The following ZNF736 variants were observed in gnomAD, a reference collection of about 807,000 sequenced individuals.
ZNF736 encodes the protein KRAB-containing zinc-finger repressor protein.
A neutral mutation model predicts 11.7 loss-of-function variants in ZNF736; 6 were observed. The observed-to-expected ratio is 0.51, with a 90% CI of 0.28 to 1.01. The LOEUF (loss-of-function observed/expected upper bound fraction) is 1.01, where lower values mean the gene tolerates loss of function less well. ZNF736 is among the 50% of genes least tolerant of loss of function. ZNF736 has a pLI of 0.09. For missense variants in ZNF736, 444 were observed against 496.0 expected (o/e 0.90, Z 1.00); for synonymous variants, 139 against 164.7 (o/e 0.84, Z 1.19).
chr7:64,339,879 A>T (rs1182848894), intron 3 of ZNF736, among the ~76,000 whole-genome samples: 3 of 152,190 alleles, frequency 2.0e-5, no homozygotes, highest in Admixed American at 2.0e-4. Context: ...AATTTTATAA[A>T]CTGCTCTCAG....
intron 3 of ZNF736, among the ~76,000 whole-genome samples, chr7:64,340,687 G>T (rs1789324935): frequency 1.3e-5 from 2 of 152,130 alleles, no homozygotes; most frequent in Admixed American, 6.6e-5. Flanking sequence ...TAGGATTACA[G>T]GTGTGAACCA....
chr7:64,329,536 A>C (rs542625414), intron 1 of ZNF736, among the ~76,000 whole-genome samples: 1 of 152,194 alleles, frequency 6.6e-6, no homozygotes, highest in Non-Finnish European at 1.5e-5. Flanking sequence ...TGGTGGTCAT[A>C]GGTAAGATCC....
rs1184550153 is a variant in ZNF736, at chr7:64,356,622, C to T, written c.*7475C>T. 6.6e-6 allele frequency among the ~76,000 whole-genome samples: 1 copy of T among 151,660 alleles called. No individual in the cohort carries two copies. Among genetic ancestry groups the T allele is most frequent in the Non-Finnish European group, 1.5e-5 (1 of 67,950 alleles). On this transcript the variant is annotated 3_prime_UTR_variant, in exon 4 of 4. Transcript: ENST00000423484. The stretch of plus-strand genomic sequence containing the variant: ...ATCTAATTACATTTTAAATAAATTG[C>T]TGTTACCTGTTAGTATTTGTGTAGC...
chr7:64,316,306 T>A (rs1255016834), intron 1 of ZNF736, among the ~76,000 whole-genome samples: 1 of 152,246 alleles, frequency 6.6e-6, no homozygotes, highest in African/African-American at 2.4e-5. Context: ...TTAAGATTTT[T>A]TTCCCCTCAA....
Position 64,348,938 on chromosome 7 carries a change from C to A in ZNF736, c.1075C>A (p.His359Asn). 1 of 1,598,536 alleles carries A rather than the reference C, an allele frequency of 6.3e-7. No individual in the cohort carries two copies. Residue 359 changes from histidine (H) to asparagine (N), a missense_variant, in exon 4 of 4, where the codon CAC becomes AAC. Coordinates refer to ENST00000423484, the MANE Select transcript of ZNF736 (RefSeq NM_001170905.3). ...AFTRSSTLFN[H>N]KRIHMEERPY... is the part of the protein sequence containing the mutation. The stretch of plus-strand genomic sequence containing the variant: ...TACCCGCTCCTCAACCCTTTTTAAC[C>A]ACAAGAGAATTCATATGGAAGAGAG...
At chr7:64,341,537 T>C (rs573430996) in intron 3 of ZNF736, among the ~76,000 whole-genome samples, 1 of 152,286 alleles carries the variant, frequency 6.6e-6, no homozygotes, top group East Asian at 1.9e-4. Flanking sequence ...TTCTATAATC[T>C]TTTGCTTCCT....
intron 1 of ZNF736, among the ~76,000 whole-genome samples, chr7:64,322,584 T>A (rs1219650543): frequency 2.0e-5 from 3 of 152,150 alleles, no homozygotes; most frequent in African/African-American, 7.2e-5. Context: ...ACAAAAGACA[T>A]CTAATAGAGA....
chr7:64,325,356 T>C (rs1175700997), intron 1 of ZNF736, among the ~76,000 whole-genome samples: 2 of 152,240 alleles, frequency 1.3e-5, no homozygotes, highest in Admixed American at 6.5e-5. Context: ...GATGACTATT[T>C]CTAGCTTTTC....
Position 64,348,530 on chromosome 7 carries a change from C to T in ZNF736, c.667C>T (p.His223Tyr). ...FSNLTEHKRVHTGEKPYKCEG... is the reference protein window; with the variant it reads ...FSNLTEHKRVYTGEKPYKCEG... ...AAACCTTACTGAACATAAGAGAGTTCATACTGGAGAGAAACCTTACAAATG... is the reference window on the plus strand; with the variant it reads ...AAACCTTACTGAACATAAGAGAGTTTATACTGGAGAGAAACCTTACAAATG... The change falls in exon 4 of 4, where the codon CAT (histidine) becomes TAT (tyrosine). Residue 223 changes from histidine to tyrosine, a missense_variant. Transcript: ENST00000423484. 6.3e-7 allele frequency: 1 copy of T among 1,581,142 alleles called. No homozygotes were observed. Among genetic ancestry groups the T allele is most frequent in the Non-Finnish European group, 8.6e-7 (1 of 1,163,682 alleles).
chr7:64,333,171 C>T (rs1389269998), intron 1 of ZNF736, among the ~76,000 whole-genome samples: 3 of 152,206 alleles, frequency 2.0e-5, no homozygotes, highest in Non-Finnish European at 4.4e-5. Context: ...GCTCCAGCTG[C>T]TCCCTCCATT....
chr7:64,348,713 C>A lies in ZNF736; in HGVS notation c.850C>A (p.Pro284Thr). 1 of 1,607,808 alleles carries A rather than the reference C, an allele frequency of 6.2e-7. No homozygotes were observed. The highest frequency in any genetic ancestry group is 1.7e-5 in the Admixed American group (1 of 59,152). ...NHKRIHTGEK[P>T]YKCEECNKAY... is the part of the protein sequence containing the mutation. ...TAAGAGAATTCATACTGGAGAGAAA[C>A]CCTACAAATGTGAAGAATGTAACAA... Residue 284 changes from proline (P) to threonine (T), a missense_variant, in exon 4 of 4, where the codon CCC (proline) becomes ACC (threonine). Coordinates refer to ENST00000423484, the MANE Select transcript of ZNF736 (RefSeq NM_001170905.3).
chr7:64,323,883 A>G (rs1789040577), intron 1 of ZNF736, among the ~76,000 whole-genome samples: 1 of 152,204 alleles, frequency 6.6e-6, no homozygotes, highest in African/African-American at 2.4e-5. Flanking sequence ...CCCGGAACTT[A>G]AAAGTTGATT....
Position 64,348,133 on chromosome 7 carries a change from CAT to C in ZNF736, c.272_273del (p.Ile91LysfsTer16), listed in dbSNP as rs1285615667. On this transcript the variant is annotated frameshift_variant, in exon 4 of 4. Transcript: ENST00000423484. LOFTEE classifies it low-confidence loss of function (END_TRUNC). ...CTGCAGAGATATTGCCGGATCATGACATAAAAGATTCATTTCAAAAAGTGATT... is the reference window on the plus strand; with the variant it reads ...CTGCAGAGATATTGCCGGATCATGACAAAAGATTCATTTCAAAAAGTGATT... ...FTAEILPDHD[I>X]KDSFQKVILR... is the part of the protein sequence containing the mutation. The C allele has an allele frequency of 1.2e-4, 190 of 1,545,244 alleles. No individual in the cohort carries two copies. Among genetic ancestry groups the C allele is most frequent in the Non-Finnish European group, 1.6e-4 (181 of 1,145,246 alleles).
At chr7:64,342,203 A>G (rs1485912654) in intron 3 of ZNF736, among the ~76,000 whole-genome samples, 1 of 152,104 alleles carries the variant, frequency 6.6e-6, no homozygotes, top group Non-Finnish European at 1.5e-5. Flanking sequence ...TCTGTGCATT[A>G]TGTTAGAGAG....
chr7:64,314,573 T>C (rs990572653), intron 1 of ZNF736, among the ~76,000 whole-genome samples: 4 of 152,268 alleles, frequency 2.6e-5, no homozygotes, highest in Non-Finnish European at 5.9e-5. Flanking sequence ...ATGGCCCTTT[T>C]TTAAATTTAT....
Position 64,355,831 on chromosome 7 carries a change from C to A in ZNF736, c.*6684C>A. ...TTCCTGGGCTCTCAGAAGTGTAGTT[C>A]TGACAGACATTACTGGAAGGTAGAG... On this transcript the variant is annotated 3_prime_UTR_variant, in exon 4 of 4. Coordinates refer to ENST00000423484, the MANE Select transcript of ZNF736 (RefSeq NM_001170905.3). 1 of 175,258 alleles carries A rather than the reference C, an allele frequency of 5.7e-6. No individual in the cohort carries two copies. The highest frequency in any genetic ancestry group is 1.3e-5 in the Non-Finnish European group (1 of 79,290). The allele number at this position is 175,258 out of a possible 1,614,324, so 10.9% of individuals were successfully genotyped here.
rs1789467034 is a variant in ZNF736, at chr7:64,350,182, C to T, written c.*1035C>T. ...TTGTTTTCATTCTCCCCATCACTTT[C>T]AGGCAATCTCTTGCATCATAGATTT... On this transcript the variant is annotated 3_prime_UTR_variant, in exon 4 of 4. Coordinates refer to ENST00000423484, the MANE Select transcript of ZNF736 (RefSeq NM_001170905.3). 1 of 152,158 alleles carries T rather than the reference C, an allele frequency of 6.6e-6. No homozygotes were observed. The highest frequency in any genetic ancestry group is 2.4e-5 in the African/African-American group (1 of 41,452). The allele number at this position is 152,158 out of a possible 1,614,324, so 9.4% of individuals were successfully genotyped here.
At chr7:64,344,302 A>G (rs1789380105) in intron 3 of ZNF736, among the ~76,000 whole-genome samples, 2 of 152,222 alleles carry the variant, frequency 1.3e-5, no homozygotes. Flanking sequence ...AACTCTGTCT[A>G]AAAAATAAAA....
intron 1 of ZNF736, among the ~76,000 whole-genome samples, chr7:64,335,349 T>C (rs1250652252): frequency 6.6e-6 from 1 of 152,110 alleles, no homozygotes; most frequent in African/African-American, 2.4e-5. Flanking sequence ...ATGGGAGATA[T>C]TTGTAGCTTA....
Sources: gnomAD v4.1 joint callset for allele counts (sites outside exome capture counted in the v4.1 genomes callset) on GRCh38, gnomAD v4.1.1 for gene constraint, MANE v1.5 for transcripts, NCBI Gene and HGNC (gene_info 2026-07-23, HGNC 2026-07-21) for gene names.